Variants in NINL observed in about 807,000 individuals in gnomAD.
The protein encoded by NINL is ninein like.
A neutral mutation model predicts 160.3 loss-of-function variants in NINL; 153 were observed. That is an observed-to-expected ratio of 0.95 (90% CI 0.84 to 1.09). The LOEUF is 1.09. NINL is among the 50% of genes least tolerant of loss of function. The pLI is 0.00. For missense variants in NINL, 1,829 were observed against 1,764.0 expected (o/e 1.04, Z -0.66); for synonymous variants, 800 against 734.8 (o/e 1.09, Z -1.43).
At chr20:25,554,585 G>C (rs2064842864) in intron 1 of NINL, among the ~76,000 whole-genome samples, 1 of 131,622 alleles carries the variant, frequency 7.6e-6, no homozygotes. Context: ...AGGAGTTCAA[G>C]ACCAGCATGA....
At chr20:25,474,985 G>A (rs1411134226) in intron 17 of NINL, among the ~76,000 whole-genome samples, 2 of 152,018 alleles carry the variant, frequency 1.3e-5, no homozygotes, top group East Asian at 3.9e-4. Flanking sequence ...GTTTCACCAC[G>A]CTGGCCAGGC....
chr20:25,498,752 G>C (rs2063809660), intron 8 of NINL, among the ~76,000 whole-genome samples: 1 of 152,210 alleles, frequency 6.6e-6, no homozygotes, highest in Non-Finnish European at 1.5e-5. Context: ...GATGAGGCCT[G>C]ACCTGCAGCT....
intron 1 of NINL, among the ~76,000 whole-genome samples, chr20:25,555,033 G>A (rs548163675): frequency 5.9e-5 from 9 of 152,146 alleles, no homozygotes; most frequent in East Asian, 1.9e-4. Context: ...TCAGCACCCC[G>A]GTAACAACCT....
chr20:25,492,456 C>A (rs2063660887), intron 10 of NINL, among the ~76,000 whole-genome samples: 1 of 151,054 alleles, frequency 6.6e-6, no homozygotes, highest in Admixed American at 6.6e-5. Flanking sequence ...AACATGGTGT[C>A]ATTTTTTTTT....
intron 1 of NINL, among the ~76,000 whole-genome samples, chr20:25,546,180 C>T (rs1015482150): frequency 6.6e-6 from 1 of 152,094 alleles, no homozygotes; most frequent in African/African-American, 2.4e-5. Context: ...ATACTGGCTC[C>T]GCATAAACCT....
At chr20:25,561,725 A>C (rs2064941065) in intron 1 of NINL, among the ~76,000 whole-genome samples, 1 of 136,182 alleles carries the variant, frequency 7.3e-6, no homozygotes, top group African/African-American at 2.8e-5. Context: ...CCCGGCCGCG[A>C]CCCCGTCTGG....
chr20:25,574,318 T>C (rs564836440), intron 1 of NINL, among the ~76,000 whole-genome samples: 1 of 151,254 alleles, frequency 6.6e-6, no homozygotes, highest in East Asian at 1.9e-4. Flanking sequence ...GTCTGTGCCA[T>C]GGCATGGCTG....
At chr20:25,489,743 C>A in intron 12 of NINL, 132 bp downstream of exon 12, 1 of 707,904 alleles carries the variant, frequency 1.4e-6, no homozygotes, top group Non-Finnish European at 2.5e-6. Flanking sequence ...TGCTGACTTT[C>A]TCTTCATTCT....
chr20:25,491,209 G>A, intron 11 of NINL, 142 bp downstream of exon 11: 1 of 1,004,020 alleles, frequency 1.0e-6, no homozygotes, highest in Non-Finnish European at 1.4e-6. Flanking sequence ...CACTGCAGCA[G>A]GTGCTCCCTC....
chr20:25,560,767 C>T (rs1000017859), intron 1 of NINL, among the ~76,000 whole-genome samples: 7 of 151,922 alleles, frequency 4.6e-5, no homozygotes, highest in African/African-American at 1.5e-4. Flanking sequence ...AGCCCTACAA[C>T]GAAAGACAAG....
At chr20:25,463,493 C>T (rs771961829) in intron 19 of NINL, among the ~76,000 whole-genome samples, 8 of 152,154 alleles carry the variant, frequency 5.3e-5, no homozygotes, top group Non-Finnish European at 1.0e-4. Flanking sequence ...TTTCAGCAAA[C>T]GTTCATGAGG....
rs144633399 is a variant in NINL, at chr20:25,467,717, T to C, written c.3354-259A>G. ...AACTGTCGGATTACTAGAGAGCCTC[T>C]AGTAATCTACACTGCCAGCACTGTA... is the stretch of plus-strand genomic sequence containing the variant. On this transcript the variant is annotated intron_variant, in intron 18 of 23. Coordinates refer to ENST00000278886, the MANE Select transcript of NINL (RefSeq NM_025176.6). Among the ~76,000 whole-genome samples the C allele has an allele frequency of 3.4e-4, 52 of 152,090 alleles. No homozygotes were observed. The East Asian group carries it at 0.01, about 29-fold the overall frequency.
In NINL at chr20:25,477,075, G is replaced by A. The variant is rs757912343; in HGVS notation, c.2216C>T (p.Ala739Val). The A allele has an allele frequency of 2.3e-5, 36 of 1,594,788 alleles. No homozygotes were observed. Among genetic ancestry groups the A allele is most frequent in the Non-Finnish European group, 2.9e-5 (34 of 1,178,172 alleles). Reference sequence around the variant, plus strand: ...CCCCGACAGCTCTCCACTCAGCTCCGCCTCAGCCTCTCTCCTGTGGAAGTA... The same window carrying A: ...CCCCGACAGCTCTCCACTCAGCTCCACCTCAGCCTCTCTCCTGTGGAAGTA... ...HLQQIRREAE[A>V]ELSGELSGLG... The change falls in exon 17 of 24, where the codon GCG becomes GTG. Residue 739 changes from alanine (A) to valine (V), a missense_variant. Physicochemically the swap from Ala to Val is moderately conservative, Grantham distance 64. Transcript: ENST00000278886.
intron 1 of NINL, chr20:25,540,182 A>G: frequency 2.9e-6 from 1 of 346,712 alleles, no homozygotes; most frequent in South Asian, 1.8e-5. Flanking sequence ...AATATTCCAG[A>G]TAAAAAGCAA....
At position 25,504,996 on chromosome 20, in the gene NINL, C is replaced by T. The variant is rs1717110997; in HGVS notation, c.600G>A (p.Gln200=). The change falls in exon 6 of 24, where the codon CAG becomes CAA. Residue 200 remains glutamine, a synonymous_variant. Coordinates refer to ENST00000278886, the MANE Select transcript of NINL (RefSeq NM_025176.6). ...CCAGCTCTTCCCACACGCCCCGGAT[C>T]TGGCTCTCTGGGGTGTCAAAGGAGG... is the stretch of plus-strand genomic sequence containing the variant. ...CSPSFDTPES[Q]IRGVWEELGV... 1 of 1,613,840 alleles carries T rather than the reference C, an allele frequency of 6.2e-7. No individual in the cohort carries two copies. The highest frequency in any genetic ancestry group is 1.3e-5 in the African/African-American group (1 of 74,932).
At chr20:25,481,459 C>G (rs998237727) in intron 14 of NINL, among the ~76,000 whole-genome samples, 4 of 152,144 alleles carry the variant, frequency 2.6e-5, no homozygotes, top group Non-Finnish European at 4.4e-5. Context: ...GGAGCTTGTC[C>G]TAATCCCATT....
intron 23 of NINL, 71 bp downstream of exon 23, chr20:25,455,602 T>G (rs2090649349): frequency 1.8e-6 from 2 of 1,101,976 alleles, no homozygotes; most frequent in East Asian, 4.7e-5. Flanking sequence ...ATTAGCTACC[T>G]GCACACCCAT....
intron 1 of NINL, among the ~76,000 whole-genome samples, chr20:25,549,631 T>C (rs1455860998): frequency 2.0e-5 from 3 of 152,216 alleles, no homozygotes; most frequent in African/African-American, 7.2e-5. Flanking sequence ...TGGCAGCTCA[T>C]CATGCACGAG....
chr20:25,576,247 A>G (rs753344002), intron 1 of NINL, among the ~76,000 whole-genome samples: 5 of 152,118 alleles, frequency 3.3e-5, no homozygotes, highest in Admixed American at 2.0e-4. Context: ...GCAGGGCGTT[A>G]TGTAGAATGT....
Sources: allele counts gnomAD v4.1 joint callset (sites outside exome capture counted in the v4.1 genomes callset), GRCh38; gene constraint gnomAD v4.1.1; transcripts MANE v1.5; gene names NCBI Gene and HGNC (gene_info 2026-07-23, HGNC 2026-07-21).